Variants in CCDC88A observed in about 807,000 individuals in gnomAD.
CCDC88A encodes coiled-coil and HOOK domain protein 88A.
Under a neutral mutation model 234.3 loss-of-function variants are expected in CCDC88A, and 54 were observed. That is an observed-to-expected ratio of 0.23 (90% CI 0.19 to 0.29). The LOEUF (loss-of-function observed/expected upper bound fraction) is 0.29. Ranked by LOEUF, CCDC88A falls within the 10% of genes least tolerant of loss-of-function variation. The pLI is 1.00. For synonymous variants in CCDC88A, 753 were observed against 737.8 expected, an observed-to-expected ratio of 1.02 and a Z score of -0.33; for missense variants, 1,832 against 2,123.4, an observed-to-expected ratio of 0.86 and a Z score of 2.70.
At chr2:55,349,483 G>T in intron 9 of CCDC88A, 35 bp downstream of exon 9, 5 of 1,371,308 alleles carry the variant, frequency 3.6e-6, no homozygotes, top group East Asian at 2.3e-5. Context: ...CCAATTACTT[G>T]GTGGTCCTAA....
intron 22 of CCDC88A, chr2:55,313,365 G>A (rs778071767): frequency 2.6e-5 from 4 of 152,298 alleles, no homozygotes; most frequent in Non-Finnish European, 5.9e-5. Context: ...ACCGCGCCTG[G>A]CATCCATTCA....
intron 5 of CCDC88A, among the ~76,000 whole-genome samples, chr2:55,366,643 G>A (rs542238300): frequency 2.6e-5 from 4 of 152,040 alleles, no homozygotes; most frequent in African/African-American, 9.6e-5. Flanking sequence ...GGAGGTGGGT[G>A]GGAGAGATAT....
rs138198708 is a variant in CCDC88A at position 55,402,603 on chromosome 2, T to C, written c.165-13717A>G. Reference sequence around the variant, plus strand: ...CTATCTGGCACGTTCAATGGATCTTTTAACTATGTATGCATAACTTCTTAA... The same window carrying C: ...CTATCTGGCACGTTCAATGGATCTTCTAACTATGTATGCATAACTTCTTAA... On this transcript the variant is annotated intron_variant, in intron 2 of 32. Transcript: ENST00000436346. Among the ~76,000 whole-genome samples, 397 of 152,308 alleles carry C rather than the reference T, an allele frequency of 2.6e-3. 1 individual carries two copies. The highest frequency in any genetic ancestry group is 8.1e-3 in the African/African-American group (335 of 41,566).
intron 8 of CCDC88A, among the ~76,000 whole-genome samples, chr2:55,351,439 C>T (rs552097726): frequency 7.9e-5 from 12 of 152,014 alleles, no homozygotes; most frequent in Non-Finnish European, 1.5e-4. Context: ...CCTTGACCTC[C>T]TGGTTCAGGT....
chr2:55,353,649 CAAA>C lies in CCDC88A; in HGVS notation c.800+1927_800+1929del, dbSNP rs34022778. Among the ~76,000 whole-genome samples, 59 of 77,068 alleles carry C rather than the reference CAAA, an allele frequency of 7.7e-4. 1 individual carries two copies. Among genetic ancestry groups the C allele is most frequent in the African/African-American group, 2.0e-3 (45 of 22,488 alleles). The allele number at this position is 77,068 out of a possible 152,430, so 50.6% of individuals were successfully genotyped here. A position where few individuals can be genotyped will look rare whatever the true frequency, so the allele number is the denominator to read the frequency against. ...AAGCTCAAATTCCAAGAAACCAAACCAAAAAAAAAAAAAAAAAAAAGCCCCCAC... is the reference window on the plus strand; with the variant it reads ...AAGCTCAAATTCCAAGAAACCAAACCAAAAAAAAAAAAAAAAAGCCCCCAC... On this transcript the variant is annotated intron_variant, in intron 8 of 32. Transcript: ENST00000436346.
chr2:55,339,419 T>C, intron 13 of CCDC88A, 45 bp downstream of exon 13: 1 of 1,350,436 alleles, frequency 7.4e-7, no homozygotes, highest in Non-Finnish European at 1.0e-6. Context: ...TTTACACTTT[T>C]ACAAGTTTTT....
chr2:55,338,252 G>A (rs1462703909), intron 13 of CCDC88A, among the ~76,000 whole-genome samples: 2 of 152,084 alleles, frequency 1.3e-5, no homozygotes, highest in Non-Finnish European at 2.9e-5. Context: ...ATTGTCAAAC[G>A]CTTATTAAGA....
rs182784910 is a variant in CCDC88A at position 55,347,706 on chromosome 2, G to C, written c.883-1373C>G. Among the ~76,000 whole-genome samples, 203 of 141,896 alleles carry C rather than the reference G, an allele frequency of 1.4e-3. 5 individuals carry two copies. In the South Asian group the frequency reaches 0.028, roughly 19 times the overall value. 93.1% of individuals were successfully genotyped at this position (141,896 alleles called of 152,430 possible). A position where few individuals can be genotyped will look rare whatever the true frequency, so the allele number is the denominator to read the frequency against. On this transcript the variant is annotated intron_variant, in intron 9 of 32. Transcript: ENST00000436346. The stretch of plus-strand genomic sequence containing the variant: ...AACTCACTGCAACCTCCACCTCCCA[G>C]GTTCAAGCGATTCTTGTGCCTCCGC...
At chr2:55,319,077 G>T in intron 18 of CCDC88A, 73 bp from the exon 19 acceptor site, 1 of 1,202,244 alleles carries the variant, frequency 8.3e-7, no homozygotes. Flanking sequence ...ATAGTATACT[G>T]AATTTTATAC....
At position 55,303,134 on chromosome 2, in the gene CCDC88A, A is replaced by G; in HGVS notation, c.4406T>C (p.Leu1469Pro). Reference protein sequence around the residue: ...KKSSMVALKRLPFLRNRPKDK... With the variant: ...KKSSMVALKRPPFLRNRPKDK... ...CTTCGGTCTGTTCCTCAAAAAGGGC[A>G]GTCTTTTCAGTGCAACCACTTTAAT... Residue 1469 changes from leucine (L) to proline (P), a missense_variant, in exon 26 of 33, where the codon CTG becomes CCG. By Grantham distance (98) the Leu-to-Pro change is moderately conservative. Coordinates refer to ENST00000436346, the MANE Select transcript of CCDC88A (RefSeq NM_001365480.1). 6.4e-7 allele frequency: 1 copy of G among 1,550,644 alleles called. No individual in the cohort carries two copies. The highest frequency in any genetic ancestry group is 1.2e-5 in the South Asian group (1 of 84,024).
chr2:55,301,298 G>A, intron 27 of CCDC88A, 21 bp from the exon 28 acceptor site: 1 of 1,238,350 alleles, frequency 8.1e-7, no homozygotes, highest in Non-Finnish European at 1.1e-6. Context: ...TAGCAAAATG[G>A]ATATAAAGAT....
chr2:55,360,590 A>C (rs1558740097), intron 7 of CCDC88A, among the ~76,000 whole-genome samples: 1 of 152,230 alleles, frequency 6.6e-6, no homozygotes. Flanking sequence ...AAAATGCTTA[A>C]TTGGCAGGAT....
chr2:55,324,249 T>A (rs762216117), intron 17 of CCDC88A: 10 of 152,212 alleles, frequency 6.6e-5, no homozygotes, highest in Admixed American at 4.6e-4. Flanking sequence ...AAAACAGAGT[T>A]ATAATTTGCA....
intron 16 of CCDC88A, among the ~76,000 whole-genome samples, chr2:55,331,088 G>T (rs1328100171): frequency 6.6e-6 from 1 of 152,176 alleles, no homozygotes; most frequent in Non-Finnish European, 1.5e-5. Context: ...CCAGAGCTGG[G>T]TTCATAAATT....
chr2:55,333,816 A>ATTAT (rs1685204836), intron 15 of CCDC88A, among the ~76,000 whole-genome samples: 1 of 152,066 alleles, frequency 6.6e-6, no homozygotes, highest in African/African-American at 2.4e-5. Flanking sequence ...TTGATCAAAC[A>ATTAT]TTATTATATT....
chr2:55,402,710 TA>T (rs1480788368), intron 2 of CCDC88A, among the ~76,000 whole-genome samples: 23 of 46,450 alleles, frequency 5.0e-4, no homozygotes, highest in South Asian at 6.8e-4. Context: ...TATTACTATT[TA>T]AAAAAAAAAA....
chr2:55,344,830 C>A (rs1423695467), intron 10 of CCDC88A, among the ~76,000 whole-genome samples: 2 of 152,224 alleles, frequency 1.3e-5, no homozygotes, highest in African/African-American at 4.8e-5. Flanking sequence ...AGATACAATT[C>A]TCCATGGAAT....
At chr2:55,301,335 A>C (rs1033185269) in intron 27 of CCDC88A, 58 bp from the exon 28 acceptor site, 9 of 891,084 alleles carry the variant, frequency 1.0e-5, no homozygotes, top group Non-Finnish European at 1.2e-5. Context: ...ACCATTATAA[A>C]ATTTTATTTA....
intron 2 of CCDC88A, among the ~76,000 whole-genome samples, chr2:55,411,779 C>CA (rs778872176): frequency 0.047 from 1,084 of 23,140 alleles, 48 homozygotes; most frequent in African/African-American, 0.11. Flanking sequence ...GACTCCGTCT[C>CA]AAAAAAAAAA....
Sources: gnomAD v4.1 joint callset for allele counts (sites outside exome capture counted in the v4.1 genomes callset) on GRCh38, gnomAD v4.1.1 for gene constraint, MANE v1.5 for transcripts, NCBI Gene and HGNC (gene_info 2026-07-23, HGNC 2026-07-21) for gene names.